The following STT3A variants were observed in gnomAD, a reference collection of about 807,000 sequenced individuals.
The protein encoded by STT3A is dolichyl-diphosphooligosaccharide--protein glycosyltransferase subunit STT3A.
Under a neutral mutation model 89.2 loss-of-function variants are expected in STT3A, and 34 were observed. The ratio of observed to expected loss-of-function variants is 0.38; its 90% CI spans 0.29 to 0.51. The LOEUF is 0.51. STT3A is among the 20% of genes least tolerant of loss of function. The pLI is 0.89. For synonymous variants in STT3A, 282 were observed against 310.3 expected, an observed-to-expected ratio of 0.91 and a Z score of 0.96; for missense variants, 555 against 889.5, an observed-to-expected ratio of 0.62 and a Z score of 4.78.
chr11:125,613,210 TA>T lies in STT3A; in HGVS notation c.1554+34del, dbSNP rs1565350404. On this transcript the variant is annotated intron_variant, in intron 13 of 17. Coordinates refer to ENST00000392708, the MANE Select transcript of STT3A (RefSeq NM_152713.5). The surrounding 1 kb of genome is among the most constrained non-coding windows in gnomAD (Gnocchi z 4.2). ...TTTGGGAGGGGTGGGAATTGTGGGTTAGGGGCAAAGGGGAAGACATTTGATG... is the reference window on the plus strand; with the variant it reads ...TTTGGGAGGGGTGGGAATTGTGGGTTGGGGCAAAGGGGAAGACATTTGATG... 4 of 1,608,492 alleles carry T rather than the reference TA, an allele frequency of 2.5e-6. No individual in the cohort carries two copies. The Admixed American group carries it at 5.0e-5, about 20-fold the overall frequency.
At chr11:125,616,083 G>A (rs1940172502) in intron 15 of STT3A, among the ~76,000 whole-genome samples, 1 of 152,056 alleles carries the variant, frequency 6.6e-6, no homozygotes, top group Admixed American at 6.6e-5. Flanking sequence ...TTACTGTCTA[G>A]ATCCATGAAA....
intron 11 of STT3A, among the ~76,000 whole-genome samples, chr11:125,612,057 A>G (rs1306198971): frequency 6.6e-6 from 1 of 151,554 alleles, no homozygotes; most frequent in East Asian, 1.9e-4. Context: ...TTGTATTTTT[A>G]GTAGAGATGG....
chr11:125,593,670 A>G (rs1322373490), intron 1 of STT3A: 2 of 152,178 alleles, frequency 1.3e-5, no homozygotes, highest in Admixed American at 1.3e-4. Flanking sequence ...ACCCTGAGAG[A>G]TATGGCTGGA....
At position 125,597,421 on chromosome 11, in the gene STT3A, C is replaced by CAA. The variant is rs58836204; in HGVS notation, c.149+317_149+318dup. On this transcript the variant is annotated intron_variant, in intron 3 of 17. Coordinates refer to ENST00000392708, the MANE Select transcript of STT3A (RefSeq NM_152713.5). ...GCAACATGGTGAAACCCCATCTCTA[C>CAA]AAAAAAAAAAAAAAAAGTATGTGTT... 1.6e-3 allele frequency among the ~76,000 whole-genome samples: 204 copies of CAA among 128,276 alleles called. 3 individuals carry two copies. The highest frequency in any genetic ancestry group is 8.5e-3 in the Middle Eastern group (2 of 234). 84.2% of individuals were successfully genotyped at this position (128,276 alleles called of 152,430 possible). A position where few individuals can be genotyped will look rare whatever the true frequency, so the allele number is the denominator to read the frequency against.
At position 125,602,818 on chromosome 11, in the gene STT3A, C is replaced by T; in HGVS notation, c.287C>T (p.Ser96Phe). ...CCTGTTACAGGTTTAATGATCACCT[C>T]TGCTGCAATCTACCATGTACTCCAT... ...GTIYPGLMITSAAIYHVLHFF... is the reference protein window; with the variant it reads ...GTIYPGLMITFAAIYHVLHFF... The change falls in exon 5 of 18, where the codon TCT becomes TTT. Residue 96 changes from serine to phenylalanine, a missense_variant. Around this residue, in one of 5 missense-constraint regions of STT3A, gnomAD observed 129 missense variants for 193.2 expected, o/e 0.67. Coordinates refer to ENST00000392708, the MANE Select transcript of STT3A (RefSeq NM_152713.5). The T allele has an allele frequency of 6.2e-7, 1 of 1,614,154 alleles. No individual in the cohort carries two copies. The highest frequency in any genetic ancestry group is 8.5e-7 in the Non-Finnish European group (1 of 1,180,030).
At chr11:125,601,132 T>A (rs1347916680) in intron 3 of STT3A, among the ~76,000 whole-genome samples, 3 of 152,158 alleles carry the variant, frequency 2.0e-5, no homozygotes, top group Non-Finnish European at 4.4e-5. Flanking sequence ...TAAGAAGCAT[T>A]TTAGATAACC....
chr11:125,600,275 C>T (rs1043570590), intron 3 of STT3A, among the ~76,000 whole-genome samples: 16 of 152,082 alleles, frequency 1.1e-4, no homozygotes, highest in African/African-American at 3.9e-4. Flanking sequence ...GTCTCGAACT[C>T]CCGACCTCAG....
rs779822984 is a variant in STT3A, at chr11:125,614,373, A to T, written c.1721A>T (p.Asp574Val). ...EKAYEIMRELDVSYVLVIFGG... is the reference protein window; with the variant it reads ...EKAYEIMRELVVSYVLVIFGG... ...GCCTATGAGATCATGAGGGAGCTCG[A>T]TGTCAGCTATGTGCTGGTCATTTTT... Residue 574 changes from aspartate (D) to valine (V), a missense_variant, in exon 15 of 18, where the codon GAT (aspartate) becomes GTT (valine). Transcript: ENST00000392708. The surrounding 1 kb of genome is among the most constrained non-coding windows in gnomAD (Gnocchi z 4.9). 2.5e-6 allele frequency: 4 copies of T among 1,614,074 alleles called. No individual in the cohort carries two copies. Among genetic ancestry groups the T allele is most frequent in the Non-Finnish European group, 3.4e-6 (4 of 1,179,986 alleles).
Position 125,620,799 on chromosome 11 carries a change from T to A in STT3A, c.2107T>A (p.Ser703Thr), listed in dbSNP as rs1940324582. The change falls in exon 18 of 18, where the codon TCA becomes ACA. Residue 703 changes from serine to threonine, a missense_variant. This residue lies in a region of STT3A where 273 missense variants were observed against 449.8 expected (regional missense o/e 0.61). Coordinates refer to ENST00000392708, the MANE Select transcript of STT3A (RefSeq NM_152713.5). ...KVKDLDNRGL[S>T]RT Reference sequence around the variant, plus strand: ...AAAGGACCTGGATAATCGAGGCTTGTCAAGGACATAAATGTCACGTCCAGC... The same window carrying A: ...AAAGGACCTGGATAATCGAGGCTTGACAAGGACATAAATGTCACGTCCAGC... 1 of 1,613,704 alleles carries A rather than the reference T, an allele frequency of 6.2e-7. No homozygotes were observed. Among genetic ancestry groups the A allele is most frequent in the Non-Finnish European group, 8.5e-7 (1 of 1,179,924 alleles).
rs1363050377 is a variant in STT3A at position 125,613,404 on chromosome 11, A to C, written c.1554+227A>C. On this transcript the variant is annotated intron_variant, in intron 13 of 17. Coordinates refer to ENST00000392708, the MANE Select transcript of STT3A (RefSeq NM_152713.5). The surrounding 1 kb of genome is among the most constrained non-coding windows in gnomAD (Gnocchi z 4.2). ...AGACTTTGCATGCACACTTTTATTG[A>C]TATGATGATTTTAACATGAGGTAGA... Among the ~76,000 whole-genome samples the C allele has an allele frequency of 6.6e-6, 1 of 152,134 alleles. No individual in the cohort carries two copies. Among genetic ancestry groups the C allele is most frequent in the African/African-American group, 2.4e-5 (1 of 41,430 alleles).
intron 8 of STT3A, 88 bp downstream of exon 8, chr11:125,606,553 G>A (rs954050228): frequency 7.1e-7 from 1 of 1,402,678 alleles, no homozygotes; most frequent in African/African-American, 1.4e-5. Context: ...CTGTTAAGAA[G>A]AGTACGACTT....
At chr11:125,618,744 A>ATTTTTTTTTTTTTTTTTTTTTTT (rs1565353087) in intron 16 of STT3A, among the ~76,000 whole-genome samples, 183 bp downstream of exon 16, 1 of 151,468 alleles carries the variant, frequency 6.6e-6, no homozygotes, top group African/African-American at 2.4e-5. Context: ...TTGTTTGCAT[A>ATTTTTTTTTTTTTTTTTTTTTTT]TTTTTTTGAG....
chr11:125,597,847 C>G (rs1003370613), intron 3 of STT3A, among the ~76,000 whole-genome samples: 2 of 152,176 alleles, frequency 1.3e-5, no homozygotes, highest in Non-Finnish European at 2.9e-5. Context: ...GTTCCAAGCA[C>G]TAATTTACAG....
chr11:125,609,585 TC>T lies in STT3A; in HGVS notation c.1115del (p.Pro372GlnfsTer23). On this transcript the variant is annotated frameshift_variant, in exon 10 of 18. Transcript: ENST00000392708. LOFTEE classifies it high-confidence loss of function. The stretch of plus-strand genomic sequence containing the variant: ...ACCTGCAGCTCCTCGTCTTCATGTT[TC>T]CAGGTATGTGGCCTCGTGTTCTGAA... ...FDLQLLVFMF[P>X]VGLYYCFSNL... 1 of 1,610,056 alleles carries T rather than the reference TC, an allele frequency of 6.2e-7. No homozygotes were observed. The highest frequency in any genetic ancestry group is 1.1e-5 in the South Asian group (1 of 90,028).
At chr11:125,619,795 C>T (rs1406070079) in intron 16 of STT3A, among the ~76,000 whole-genome samples, 1 of 152,128 alleles carries the variant, frequency 6.6e-6, no homozygotes, top group Non-Finnish European at 1.5e-5. Flanking sequence ...AGAGATAAGA[C>T]ATTGACTGGC....
intron 16 of STT3A, among the ~76,000 whole-genome samples, chr11:125,619,810 A>G (rs1248969819): frequency 1.3e-5 from 2 of 152,178 alleles, no homozygotes; most frequent in Non-Finnish European, 2.9e-5. Context: ...ACTGGCAAGC[A>G]TCATCTTGCA....
intron 7 of STT3A, 35 bp downstream of exon 7, chr11:125,605,770 T>C: frequency 5.8e-6 from 9 of 1,555,136 alleles, no homozygotes; most frequent in Non-Finnish European, 8.0e-6. Context: ...TTTTTAAAGT[T>C]CTCTAAATAC....
At position 125,614,354 on chromosome 11, in the gene STT3A, G is replaced by A. The variant is rs1940112080; in HGVS notation, c.1702G>A (p.Glu568Lys). 2 of 1,614,138 alleles carry A rather than the reference G, an allele frequency of 1.2e-6. No homozygotes were observed. The highest frequency in any genetic ancestry group is 1.7e-6 in the Non-Finnish European group (2 of 1,180,022). The change falls in exon 15 of 18, where the codon GAG becomes AAG. Residue 568 changes from glutamate (E) to lysine (K), a missense_variant. Glu to Lys is a moderately conservative substitution (Grantham distance 56). Coordinates refer to ENST00000392708, the MANE Select transcript of STT3A (RefSeq NM_152713.5). The surrounding 1 kb of genome is among the most constrained non-coding windows in gnomAD (Gnocchi z 4.9). ...GGCGTCCACAGAGGAAAAAGCCTAT[G>A]AGATCATGAGGGAGCTCGATGTCAG... ...AMASTEEKAY[E>K]IMRELDVSYV...
At chr11:125,619,103 G>A (rs913368749) in intron 16 of STT3A, among the ~76,000 whole-genome samples, 2 of 152,096 alleles carry the variant, frequency 1.3e-5, no homozygotes. Context: ...AGGCTGGAGT[G>A]CAGTGGCACG....
Sources: allele counts gnomAD v4.1 joint callset (sites outside exome capture counted in the v4.1 genomes callset), GRCh38; gene constraint gnomAD v4.1.1; regional missense constraint gnomAD v4.1.1; non-coding constraint Gnocchi (gnomAD v3.1); transcripts MANE v1.5; gene names NCBI Gene and HGNC (gene_info 2026-07-23, HGNC 2026-07-21).